Variants in LOC112694756 observed in about 807,000 individuals in gnomAD.
chr16:30,056,911 C>CTT, the LOC112694756 span, among the ~76,000 whole-genome samples: 11 of 137,582 alleles, frequency 8.0e-5, no homozygotes, highest in African/African-American at 2.1e-4. Context: ...TCTACTTGCC[C>CTT]TTTTTTTTTT....
At chr16:30,065,544 G>C in the LOC112694756 span, 1 of 152,288 alleles carries the variant, frequency 6.6e-6, no homozygotes, top group Non-Finnish European at 1.5e-5. Context: ...CTAGCGACCC[G>C]CGGGATGTGG....
the LOC112694756 span, chr16:30,067,335 C>G: frequency 6.2e-7 from 1 of 1,613,808 alleles, no homozygotes; most frequent in East Asian, 2.2e-5. Flanking sequence ...TGGCACCTGG[C>G]AAGGGCATCC....
the LOC112694756 span, among the ~76,000 whole-genome samples, chr16:30,062,251 T>C: frequency 6.7e-6 from 1 of 148,420 alleles, no homozygotes; most frequent in African/African-American, 2.6e-5. Flanking sequence ...ACATTAAAAT[T>C]GATTGGGCGC....
chr16:30,055,441 G>C, the LOC112694756 span: 4 of 398,022 alleles, frequency 1.0e-5, no homozygotes, highest in East Asian at 3.6e-5. Flanking sequence ...GGCCAGGCAC[G>C]GTTCCAGGGC....
At chr16:30,068,858 G>A in the LOC112694756 span, 10 of 1,614,218 alleles carry the variant, frequency 6.2e-6, 1 homozygote, top group Non-Finnish European at 7.6e-6. Context: ...AGTACAAGAA[G>A]GACGGAGCTG....
At chr16:30,065,956 C>G in the LOC112694756 span, 70 of 153,196 alleles carry the variant, frequency 4.6e-4, no homozygotes, top group Non-Finnish European at 7.6e-4. Flanking sequence ...GTGCGGGGAC[C>G]AGGGACCGTG....
At chr16:30,058,537 G>A in the LOC112694756 span, among the ~76,000 whole-genome samples, 2 of 150,094 alleles carry the variant, frequency 1.3e-5, no homozygotes, top group Non-Finnish European at 3.0e-5. Flanking sequence ...CCATGCTGGA[G>A]TGCAGTGGTG....
chr16:30,070,336 G>A, the LOC112694756 span: 2 of 853,220 alleles, frequency 2.3e-6, no homozygotes, highest in Non-Finnish European at 1.9e-6. Flanking sequence ...TCGTGACAGT[G>A]GTGTGTGGTG....
At chr16:30,055,562 C>T in the LOC112694756 span, among the ~76,000 whole-genome samples, 1 of 152,110 alleles carries the variant, frequency 6.6e-6, no homozygotes, top group Admixed American at 6.6e-5. Flanking sequence ...ATGTGGGTAA[C>T]ATGTAGAGTA....
the LOC112694756 span, chr16:30,066,826 C>T: frequency 3.3e-6 from 5 of 1,509,816 alleles, no homozygotes; most frequent in Non-Finnish European, 3.6e-6. Context: ...GGTGTTGGGC[C>T]CTCTGCTTGA....
the LOC112694756 span, among the ~76,000 whole-genome samples, chr16:30,061,794 A>C: frequency 6.6e-6 from 1 of 151,130 alleles, no homozygotes; most frequent in Non-Finnish European, 1.5e-5. Context: ...TCCTGACCTT[A>C]AGTGATCCGC....
At chr16:30,061,925 G>A in the LOC112694756 span, among the ~76,000 whole-genome samples, 22 of 151,862 alleles carry the variant, frequency 1.4e-4, no homozygotes, top group African/African-American at 5.3e-4. Flanking sequence ...ATATAAGGCT[G>A]GGCGCGGTGG....
At chr16:30,065,512 G>A in the LOC112694756 span, among the ~76,000 whole-genome samples, 1 of 152,218 alleles carries the variant, frequency 6.6e-6, no homozygotes, top group Admixed American at 6.5e-5. Flanking sequence ...CAGGCTGGGG[G>A]AAAGGAGCAG....
chr16:30,053,355 C>G, the LOC112694756 span: 1 of 152,798 alleles, frequency 6.5e-6, no homozygotes, highest in East Asian at 1.9e-4. Context: ...ATTCCACCCT[C>G]CGGCCCAGCC....
the LOC112694756 span, among the ~76,000 whole-genome samples, chr16:30,057,527 A>G: frequency 6.6e-6 from 1 of 152,178 alleles, no homozygotes; most frequent in African/African-American, 2.4e-5. Context: ...TCAGACAGCA[A>G]AGCCCCTGCC....
the LOC112694756 span, among the ~76,000 whole-genome samples, chr16:30,065,306 A>G: frequency 2.6e-5 from 4 of 152,162 alleles, no homozygotes; most frequent in Non-Finnish European, 4.4e-5. Flanking sequence ...CGACTGCGCG[A>G]TGTGGCCCCT....
At chr16:30,069,927 C>T in the LOC112694756 span, 13 of 1,613,962 alleles carry the variant, frequency 8.1e-6, no homozygotes, top group Admixed American at 5.0e-5. Flanking sequence ...GGGCCCTGAC[C>T]TTCTCCTACG....
At chr16:30,058,612 A>C in the LOC112694756 span, among the ~76,000 whole-genome samples, 4 of 151,442 alleles carry the variant, frequency 2.6e-5, no homozygotes, top group East Asian at 7.8e-4. Context: ...CAGCCTCCTG[A>C]GTAGCTGGGA....
At chr16:30,057,399 A>G in the LOC112694756 span, among the ~76,000 whole-genome samples, 1 of 152,206 alleles carries the variant, frequency 6.6e-6, no homozygotes, top group African/African-American at 2.4e-5. Flanking sequence ...TAGCTGAGGT[A>G]GAATCCTCAG....
Sources: gnomAD v4.1 joint callset for allele counts (sites outside exome capture counted in the v4.1 genomes callset) on GRCh38, gnomAD v4.1.1 for gene constraint, MANE v1.5 for transcripts.